The following ACTC1 variants were observed in gnomAD, a reference collection of about 807,000 sequenced individuals.
ACTC1 encodes the protein actin alpha cardiac muscle 1.
In ACTC1, 10 loss-of-function variants were observed where a neutral mutation model predicts 31.6. The observed-to-expected ratio is 0.32, with a 90% CI of 0.19 to 0.54. ACTC1 has a LOEUF of 0.54. Ranked by LOEUF, ACTC1 falls within the 20% of genes least tolerant of loss-of-function variation. The pLI is 0.95. For missense variants in ACTC1, 129 were observed against 506.4 expected (o/e 0.25, Z 7.15); for synonymous variants, 196 against 185.0 (o/e 1.06, Z -0.48).
chr15:34,794,085 C>T lies in ACTC1; in HGVS notation c.130-516G>A, dbSNP rs146619035. On this transcript the variant is annotated intron_variant, in intron 2 of 6. Coordinates refer to ENST00000290378, the MANE Select transcript of ACTC1 (RefSeq NM_005159.5). ...CACCAGCTCTGAGGACTAAGCTCTC[C>T]TGCTTGGCAGCCTGTCTGGCCAGGC... Among the ~76,000 whole-genome samples, 987 of 152,328 alleles carry T rather than the reference C, an allele frequency of 6.5e-3. 12 individuals are homozygous for T. Among genetic ancestry groups the T allele is most frequent in the African/African-American group, 0.022 (911 of 41,572 alleles).
Position 34,793,675 on chromosome 15 carries a change from TA to T in ACTC1, c.130-107del, listed in dbSNP as rs1891755944. 1 of 1,049,594 alleles carries T rather than the reference TA, an allele frequency of 9.5e-7. No homozygotes were observed. Among genetic ancestry groups the T allele is most frequent in the Admixed American group, 2.1e-5 (1 of 48,340 alleles). The allele number at this position is 1,049,594 out of a possible 1,614,324, so 65.0% of individuals were successfully genotyped here. On this transcript the variant is annotated intron_variant, in intron 2 of 6. Transcript: ENST00000290378. This position sits in a 1 kb window ranked among gnomAD's most constrained non-coding sequence, Gnocchi z 4.8. ...GCCCAAGTCAAGGAACATATTTAAA[TA>T]CCAGAAATAACAAGCAATACGATTT...
intron 1 of ACTC1, among the ~76,000 whole-genome samples, chr15:34,795,065 A>T (rs1891794049): frequency 6.6e-6 from 1 of 152,110 alleles, no homozygotes; most frequent in South Asian, 2.1e-4. Flanking sequence ...CCTGGCCAGG[A>T]GTTCCAGCTA....
chr15:34,794,215 C>T (rs1355987723), intron 2 of ACTC1, among the ~76,000 whole-genome samples: 1 of 152,216 alleles, frequency 6.6e-6, no homozygotes. Flanking sequence ...TCTAAAAATG[C>T]AACAGCCAGG....
In ACTC1 at chr15:34,793,249, G is replaced by A. The variant is rs536432438; in HGVS notation, c.450C>T (p.Thr150=). 7.4e-6 allele frequency: 12 copies of A among 1,614,048 alleles called. No individual in the cohort carries two copies. The South Asian group carries it at 1.2e-4, about 16-fold the overall frequency. The change falls in exon 3 of 7, where the codon ACC becomes ACT. Residue 150 remains threonine, a synonymous_variant. Coordinates refer to ENST00000290378, the MANE Select transcript of ACTC1 (RefSeq NM_005159.5). This position sits in a 1 kb window ranked among gnomAD's most constrained non-coding sequence, Gnocchi z 4.8. ...AVLSLYASGR[T]TGIVLDSGDG... Reference sequence around the variant, plus strand: ...TGTCCCCAGAGCCCAGCATACCTGTGGTACGGCCAGAAGCATACAGGGATA... The same window carrying A: ...TGTCCCCAGAGCCCAGCATACCTGTAGTACGGCCAGAAGCATACAGGGATA...
At chr15:34,791,943 C>T (rs995724993) in intron 5 of ACTC1, 147 bp downstream of exon 5, 2 of 751,324 alleles carry the variant, frequency 2.7e-6, no homozygotes, top group African/African-American at 3.5e-5. Context: ...CTTTAATGAG[C>T]CATCAGGACT....
rs1327809274 is a variant in ACTC1 at position 34,792,226 on chromosome 15, A to G, written c.672T>C (p.Asp224=). ...IKEKLCYVAL[D]FENEMATAAS... ...CAGCTGTGGCCATCTCATTCTCAAA[A>G]TCCAGGGCGACATAGCACAGCTTCT... Residue 224 remains aspartate (D), a synonymous_variant, in exon 5 of 7, where the codon GAT becomes GAC. Transcript: ENST00000290378. The surrounding 1 kb of genome is among the most constrained non-coding windows in gnomAD (Gnocchi z 5.3). 6.2e-7 allele frequency: 1 copy of G among 1,614,240 alleles called. No individual in the cohort carries two copies. The highest frequency in any genetic ancestry group is 1.1e-5 in the South Asian group (1 of 91,092).
Position 34,791,787 on chromosome 15 carries a change from C to T in ACTC1, c.808+303G>A, listed in dbSNP as rs1891712071. On this transcript the variant is annotated intron_variant, in intron 5 of 6. Transcript: ENST00000290378. Reference sequence around the variant, plus strand: ...AAAGTCCAGCTACTTGGTAGTGAAACTTACGGGAATAAGTCAGCTCTTGTG... The same window carrying T: ...AAAGTCCAGCTACTTGGTAGTGAAATTTACGGGAATAAGTCAGCTCTTGTG... 1.2e-5 allele frequency: 5 copies of T among 419,568 alleles called. No individual in the cohort carries two copies. In the South Asian group the frequency reaches 1.2e-4, roughly 10 times the overall value. 26.0% of individuals were successfully genotyped at this position (419,568 alleles called of 1,614,324 possible). A position where few individuals can be genotyped will look rare whatever the true frequency, so the allele number is the denominator to read the frequency against.
chr15:34,794,213 T>C (rs1279896745), intron 2 of ACTC1, among the ~76,000 whole-genome samples: 1 of 152,202 alleles, frequency 6.6e-6, no homozygotes, highest in Non-Finnish European at 1.5e-5. Flanking sequence ...CTTCTAAAAA[T>C]GCAACAGCCA....
At chr15:34,791,435 CAT>C (rs1285001739) in intron 5 of ACTC1, 140 bp from the exon 6 acceptor site, 1 of 1,200,854 alleles carries the variant, frequency 8.3e-7, no homozygotes, top group East Asian at 2.5e-5. Context: ...GTCTCTGAAA[CAT>C]ATGTTCCCCT....
At position 34,791,239 on chromosome 15, in the gene ACTC1, T is replaced by C. The variant is rs1891697608; in HGVS notation, c.865A>G (p.Ile289Val). The C allele has an allele frequency of 6.2e-7, 1 of 1,613,872 alleles. No homozygotes were observed. Among genetic ancestry groups the C allele is most frequent in the Non-Finnish European group, 8.5e-7 (1 of 1,180,000 alleles). Residue 289 changes from isoleucine (I) to valine (V), a missense_variant, in exon 6 of 7, where the codon ATT becomes GTT. Transcript: ENST00000290378. ...TTYNSIMKCDIDIRKDLYANN... is the reference protein window; with the variant it reads ...TTYNSIMKCDVDIRKDLYANN... The stretch of plus-strand genomic sequence containing the variant: ...GCATACAGGTCCTTGCGGATATCAA[T>C]GTCACACTTCATGATGCTATTGTAA...
chr15:34,793,616 A>AT lies in ACTC1; in HGVS notation c.130-48dup. 6.4e-7 allele frequency: 1 copy of AT among 1,553,742 alleles called. No homozygotes were observed. On this transcript the variant is annotated intron_variant, in intron 2 of 6. Coordinates refer to ENST00000290378, the MANE Select transcript of ACTC1 (RefSeq NM_005159.5). The surrounding 1 kb of genome is among the most constrained non-coding windows in gnomAD (Gnocchi z 4.8). ...AAATCATGCTCTCACCATGTCAGGA[A>AT]TATAATCAGTGTCTTGTCCATTTAT...
rs1400201194 is a variant in ACTC1 at position 34,792,602 on chromosome 15, T to C, written c.455-33A>G. ...GGGAAGTAGACAAGAACAAGGTAAATTCCTGAGGACAACACCACTGCTCTA... is the reference window on the plus strand; with the variant it reads ...GGGAAGTAGACAAGAACAAGGTAAACTCCTGAGGACAACACCACTGCTCTA... On this transcript the variant is annotated intron_variant, in intron 3 of 6. Transcript: ENST00000290378. The surrounding 1 kb of genome is among the most constrained non-coding windows in gnomAD (Gnocchi z 5.3). 6 of 1,613,550 alleles carry C rather than the reference T, an allele frequency of 3.7e-6. No homozygotes were observed. Among genetic ancestry groups the C allele is most frequent in the Non-Finnish European group, 5.1e-6 (6 of 1,179,656 alleles).
rs1343626197 is a variant in ACTC1, at chr15:34,790,314, A to G, written c.*98T>C. On this transcript the variant is annotated 3_prime_UTR_variant, in exon 7 of 7. Transcript: ENST00000290378. ...AATTGCACGTGTGTAAACAAACTGTACAATGATTGATGAAAGATGAGGGAA... is the reference window on the plus strand; with the variant it reads ...AATTGCACGTGTGTAAACAAACTGTGCAATGATTGATGAAAGATGAGGGAA... The G allele has an allele frequency of 6.8e-7, 1 of 1,464,694 alleles. No individual in the cohort carries two copies. The highest frequency in any genetic ancestry group is 1.4e-5 in the African/African-American group (1 of 71,764). 90.7% of individuals were successfully genotyped at this position (1,464,694 alleles called of 1,614,324 possible).
intron 2 of ACTC1, among the ~76,000 whole-genome samples, chr15:34,794,077 A>G (rs1891762796): frequency 6.6e-6 from 1 of 152,220 alleles, no homozygotes; most frequent in Non-Finnish European, 1.5e-5. Flanking sequence ...TCTGAGGACT[A>G]AGCTCTCCTG....
rs3059225 is a variant in ACTC1, at chr15:34,795,351, T to TAA, written c.-23+153_-23+154dup. Reference sequence around the variant, plus strand: ...GAACCAAATCAAAAAGTGTGGGCTTTAAAAAAAAAAAAAAAAAGGCAGTCG... The same window carrying TAA: ...GAACCAAATCAAAAAGTGTGGGCTTTAAAAAAAAAAAAAAAAAAAGGCAGTCG... On this transcript the variant is annotated intron_variant, in intron 1 of 6. Transcript: ENST00000290378. Among the ~76,000 whole-genome samples, 13,223 of 136,486 alleles carry TAA rather than the reference T, an allele frequency of 0.097. 729 individuals carry two copies. Among genetic ancestry groups the TAA allele is most frequent in the African/African-American group, 0.14 (5,406 of 37,516 alleles). 89.5% of individuals were successfully genotyped at this position (136,486 alleles called of 152,430 possible).
At chr15:34,795,052 C>T (rs1319093497) in intron 1 of ACTC1, among the ~76,000 whole-genome samples, 1 of 152,130 alleles carries the variant, frequency 6.6e-6, no homozygotes, top group African/African-American at 2.4e-5. Context: ...TCCACCCAGG[C>T]TCCCTGGCCA....
At chr15:34,791,365 T>A in intron 5 of ACTC1, 70 bp from the exon 6 acceptor site, 1 of 1,542,776 alleles carries the variant, frequency 6.5e-7, no homozygotes, top group Non-Finnish European at 8.8e-7. Flanking sequence ...CACAGTGCAT[T>A]CAGGTCAAGG....
At position 34,790,384 on chromosome 15, in the gene ACTC1, T is replaced by A. The variant is rs763198919; in HGVS notation, c.*28A>T. The A allele has an allele frequency of 3.7e-6, 6 of 1,612,486 alleles. No individual in the cohort carries two copies. The African/African-American group carries it at 5.3e-5, about 14-fold the overall frequency. ...AGAAGCATAATACCGTCATCCTGAC[T>A]GGAAGGTAGATGGAGAGAGAAGGCA... is the stretch of plus-strand genomic sequence containing the variant. On this transcript the variant is annotated 3_prime_UTR_variant, in exon 7 of 7. Transcript: ENST00000290378.
chr15:34,794,455 CAGGGAG>C lies in ACTC1; in HGVS notation c.129+219_129+224del, dbSNP rs527292617. Among the ~76,000 whole-genome samples the C allele has an allele frequency of 4.7e-3, 720 of 152,334 alleles. 3 individuals carry two copies. Among genetic ancestry groups the C allele is most frequent in the Non-Finnish European group, 7.1e-3 (485 of 68,038 alleles). On this transcript the variant is annotated intron_variant, in intron 2 of 6. Transcript: ENST00000290378. ...GGAGAGAAGCAGGTGGCTTTCACAC[CAGGGAG>C]TGGGACCCTTTTAGAGGCGTGCCAC...
Sources: allele counts gnomAD v4.1 joint callset (sites outside exome capture counted in the v4.1 genomes callset), GRCh38; gene constraint gnomAD v4.1.1; non-coding constraint Gnocchi (gnomAD v3.1); transcripts MANE v1.5; gene names NCBI Gene and HGNC (gene_info 2026-07-23, HGNC 2026-07-21).